The following TTC29 variants were observed in gnomAD, a reference collection of about 807,000 sequenced individuals.
The protein encoded by TTC29 is tetratricopeptide repeat protein 29.
TTC29 carries 49 observed loss-of-function variants against 58.1 expected under a neutral mutation model. The ratio of observed to expected loss-of-function variants is 0.84; its 90% CI spans 0.67 to 1.07. The LOEUF (loss-of-function observed/expected upper bound fraction) is 1.07, where lower values mean the gene tolerates loss of function less well. Among genes scored for constraint, TTC29 ranks in the 50% least tolerant of loss-of-function variants. TTC29 has a pLI of 0.00. For synonymous variants in TTC29, 209 were observed against 196.8 expected (o/e 1.06, Z -0.52); for missense variants, 582 against 555.6 (o/e 1.05, Z -0.48).
rs115503563 is a variant in TTC29 at position 146,716,932 on chromosome 4, A to G, written c.1331-9381T>C. ...CAGGTGACCTATATGTCTGCTACTC[A>G]AAGTGTGGTCTCCAAACCAGGAGCA... On this transcript the variant is annotated intron_variant, in intron 11 of 12. Transcript: ENST00000325106. Among the ~76,000 whole-genome samples the G allele has an allele frequency of 7.2e-3, 1,101 of 152,280 alleles. 14 individuals are homozygous for G. The highest frequency in any genetic ancestry group is 0.025 in the African/African-American group (1,042 of 41,556).
chr4:146,899,839 G>T (rs757375994), intron 6 of TTC29, among the ~76,000 whole-genome samples: 49 of 152,154 alleles, frequency 3.2e-4, no homozygotes, highest in Non-Finnish European at 4.9e-4. Context: ...CTGACCACCT[G>T]CCCGTTGCCA....
intron 11 of TTC29, among the ~76,000 whole-genome samples, chr4:146,785,317 A>AATTT (rs1259093876): frequency 6.6e-6 from 1 of 151,224 alleles, no homozygotes; most frequent in African/African-American, 2.4e-5. Flanking sequence ...CTCAGCCTCT[A>AATTT]ATTTTTAATA....
chr4:146,797,519 A>G (rs774815508), intron 11 of TTC29, among the ~76,000 whole-genome samples: 15 of 151,992 alleles, frequency 9.9e-5, no homozygotes, highest in Non-Finnish European at 1.9e-4. Context: ...TGAGTATACA[A>G]TTCTAGGTTT....
intron 11 of TTC29, among the ~76,000 whole-genome samples, chr4:146,716,357 C>G (rs1056540744): frequency 6.6e-6 from 1 of 152,026 alleles, no homozygotes; most frequent in Non-Finnish European, 1.5e-5. Context: ...TATACAAGCT[C>G]TGTATTCATG....
intron 11 of TTC29, among the ~76,000 whole-genome samples, chr4:146,780,302 GGTGTGTGTGT>G (rs57951745): frequency 0.025 from 3,396 of 138,502 alleles, 110 homozygotes; most frequent in African/African-American, 0.074. Context: ...CCTAACTTGG[GGTGTGTGTGT>G]GTGTGTGTGT....
Position 146,867,497 on chromosome 4 carries a change from C to T in TTC29, c.885+1G>A. On this transcript the variant is annotated splice_donor_variant, in intron 8 of 12. Coordinates refer to ENST00000325106, the MANE Select transcript of TTC29 (RefSeq NM_031956.4). LOFTEE classifies it high-confidence loss of function. ...TGGCAGTGATTAAAAGTTTAGCTTA[C>T]TGTTAATGCTGTTTCATATTCCTCA... is the stretch of plus-strand genomic sequence containing the variant. The T allele has an allele frequency of 1.4e-6, 2 of 1,464,044 alleles. No homozygotes were observed. The highest frequency in any genetic ancestry group is 1.8e-6 in the Non-Finnish European group (2 of 1,093,392). 90.7% of individuals were successfully genotyped at this position (1,464,044 alleles called of 1,614,324 possible).
Position 146,929,068 on chromosome 4 carries a change from T to TA in TTC29, c.176+8525dup, listed in dbSNP as rs565510366. 4.3e-3 allele frequency among the ~76,000 whole-genome samples: 647 copies of TA among 152,222 alleles called. 6 individuals are homozygous for TA. Among genetic ancestry groups the TA allele is most frequent in the African/African-American group, 0.014 (584 of 41,522 alleles). Reference sequence around the variant, plus strand: ...TTTGGAAGATACTCTAGTAATTAATTAATAAGTAAATTAATAAACAATTTG... The same window carrying TA: ...TTTGGAAGATACTCTAGTAATTAATTAAATAAGTAAATTAATAAACAATTTG... On this transcript the variant is annotated intron_variant, in intron 4 of 12. Coordinates refer to ENST00000325106, the MANE Select transcript of TTC29 (RefSeq NM_031956.4).
intron 9 of TTC29, among the ~76,000 whole-genome samples, chr4:146,825,943 A>ATTTT (rs1561163638): frequency 7.8e-4 from 101 of 130,152 alleles, no homozygotes; most frequent in African/African-American, 2.7e-3. Flanking sequence ...TTTTTTTTAA[A>ATTTT]AAAATTTCCA....
chr4:146,871,380 A>C lies in TTC29; in HGVS notation c.799+3336T>G, dbSNP rs36039172. Among the ~76,000 whole-genome samples, 3 of 151,904 alleles carry C rather than the reference A, an allele frequency of 2.0e-5. No individual in the cohort carries two copies. The East Asian group carries it at 5.8e-4, about 29-fold the overall frequency. ...TACAAAAAAACCCTCAGTAAATATC[A>C]TACTTCTGTTTAAAACTGTTGCACT... is the stretch of plus-strand genomic sequence containing the variant. On this transcript the variant is annotated intron_variant, in intron 7 of 12. Coordinates refer to ENST00000325106, the MANE Select transcript of TTC29 (RefSeq NM_031956.4).
At chr4:146,915,463 A>T (rs1734161896) in intron 4 of TTC29, among the ~76,000 whole-genome samples, 1 of 152,086 alleles carries the variant, frequency 6.6e-6, no homozygotes, top group Non-Finnish European at 1.5e-5. Context: ...GCAGACAGCC[A>T]GCAGCATCCA....
At chr4:146,857,562 G>C (rs1038151093) in intron 8 of TTC29, among the ~76,000 whole-genome samples, 1 of 152,108 alleles carries the variant, frequency 6.6e-6, no homozygotes, top group African/African-American at 2.4e-5. Flanking sequence ...CACACGACCA[G>C]GAGGCAAACT....
At chr4:146,927,045 C>T (rs1734981964) in intron 4 of TTC29, among the ~76,000 whole-genome samples, 1 of 145,902 alleles carries the variant, frequency 6.9e-6, no homozygotes, top group African/African-American at 2.6e-5. Context: ...TGCGCCACTG[C>T]ACTCCAGCCT....
intron 10 of TTC29, among the ~76,000 whole-genome samples, chr4:146,814,117 C>T (rs745939427): frequency 6.6e-6 from 1 of 152,174 alleles, no homozygotes; most frequent in African/African-American, 2.4e-5. Flanking sequence ...TTTTTGATCA[C>T]CTATTCTGTG....
At chr4:146,794,454 G>A (rs1749689853) in intron 11 of TTC29, among the ~76,000 whole-genome samples, 1 of 152,046 alleles carries the variant, frequency 6.6e-6, no homozygotes, top group Non-Finnish European at 1.5e-5. Context: ...CCTGTTAGCT[G>A]GTGATGGTAA....
At chr4:146,816,459 C>T (rs1251264417) in intron 10 of TTC29, among the ~76,000 whole-genome samples, 3 of 151,918 alleles carry the variant, frequency 2.0e-5, no homozygotes, top group Non-Finnish European at 2.9e-5. Flanking sequence ...ACACGACATG[C>T]AAAACCTGAG....
At chr4:146,845,159 T>C (rs889004400) in intron 8 of TTC29, among the ~76,000 whole-genome samples, 24 of 152,168 alleles carry the variant, frequency 1.6e-4, no homozygotes, top group African/African-American at 5.8e-4. Context: ...TGAGGTAATC[T>C]GAATGAATCT....
chr4:146,870,259 C>T (rs2150214659), intron 7 of TTC29, among the ~76,000 whole-genome samples: 1 of 151,984 alleles, frequency 6.6e-6, no homozygotes, highest in Non-Finnish European at 1.5e-5. Flanking sequence ...CCTAAATAAA[C>T]AATGGGTCAA....
intron 11 of TTC29, among the ~76,000 whole-genome samples, chr4:146,733,212 C>CTTGAAA (rs1172753659): frequency 1.3e-5 from 2 of 152,040 alleles, no homozygotes; most frequent in Admixed American, 1.3e-4. Context: ...CTATAGATAT[C>CTTGAAA]TTGAAATTAC....
At chr4:146,710,672 G>A (rs1742424852) in intron 11 of TTC29, among the ~76,000 whole-genome samples, 1 of 152,104 alleles carries the variant, frequency 6.6e-6, no homozygotes, top group Non-Finnish European at 1.5e-5. Context: ...GGAAGACTGG[G>A]AACAGTACCA....
Sources: allele counts gnomAD v4.1 joint callset (sites outside exome capture counted in the v4.1 genomes callset), GRCh38; gene constraint gnomAD v4.1.1; transcripts MANE v1.5; gene names NCBI Gene and HGNC (gene_info 2026-07-23, HGNC 2026-07-21).